The following MAX variants were observed in gnomAD, a reference collection of about 807,000 sequenced individuals.
The protein encoded by MAX is MYC associated transcriptional regulator X.
MAX carries 3 observed loss-of-function variants against 22.3 expected under a neutral mutation model. The ratio of observed to expected loss-of-function variants is 0.13; its 90% CI spans 0.06 to 0.35. MAX has a LOEUF of 0.35. Among genes scored for constraint, MAX ranks in the 10% least tolerant of loss-of-function variants. The pLI is 1.00. For missense variants in MAX, 119 were observed against 209.4 expected (o/e 0.57, Z 2.66); for synonymous variants, 72 against 77.7 (o/e 0.93, Z 0.39).
At chr14:65,080,170 G>GCA (rs1478915888) in intron 3 of MAX, among the ~76,000 whole-genome samples, 1 of 152,208 alleles carries the variant, frequency 6.6e-6, no homozygotes, top group African/African-American at 2.4e-5. Context: ...CTGCATGTGT[G>GCA]CATGCAACAC....
At chr14:65,063,248 C>T (rs1033664935) in intron 3 of MAX, among the ~76,000 whole-genome samples, 3 of 152,176 alleles carry the variant, frequency 2.0e-5, no homozygotes, top group Non-Finnish European at 4.4e-5. Flanking sequence ...CAAAGGTTTG[C>T]ACTGCAAGGC....
At chr14:65,037,748 ATTTAT>A (rs1566562870) in intron 3 of MAX, among the ~76,000 whole-genome samples, 5,919 of 74,730 alleles carry the variant, frequency 0.079, 141 homozygotes, top group Middle Eastern at 0.17. Flanking sequence ...TTTATTATTT[ATTTAT>A]TTATTTATTT....
At chr14:65,055,504 ATTTT>A (rs900695593) in intron 3 of MAX, among the ~76,000 whole-genome samples, 1 of 151,334 alleles carries the variant, frequency 6.6e-6, no homozygotes, top group Non-Finnish European at 1.5e-5. Flanking sequence ...GTTTAAAAAA[ATTTT>A]TTTTTTAATT....
intron 2 of MAX, among the ~76,000 whole-genome samples, chr14:65,098,712 GT>G (rs1255869491): frequency 6.6e-6 from 1 of 152,202 alleles, no homozygotes; most frequent in Non-Finnish European, 1.5e-5. Flanking sequence ...ACTGAATTTA[GT>G]AGTAAGAATA....
intron 3 of MAX, among the ~76,000 whole-genome samples, chr14:65,017,301 TA>T (rs1266876772): frequency 1.3e-5 from 2 of 152,190 alleles, no homozygotes. Flanking sequence ...ACAATCAGGA[TA>T]TTTGGAAAGT....
chr14:65,070,241 A>C (rs1595120834), downstream of MAX, among the ~76,000 whole-genome samples: 1 of 152,302 alleles, frequency 6.6e-6, no homozygotes, highest in Non-Finnish European at 1.5e-5. The surrounding 1 kb of genome is among the most constrained non-coding windows in gnomAD (Gnocchi z 4.4). Context: ...ACAGGCTGTC[A>C]GGCTTGTTTT....
chr14:65,076,523 G>A lies in MAX; in HGVS notation c.436C>T (p.Pro146Ser), dbSNP rs2063059715. ...TTCTTCCTGCTTTGGGGCTCTTCAG[G>A]CTCAGACTCCGAGCTGGAGTCCGAG... The part of the protein sequence containing the change: ...GGSDSSSESE[P>S]EEPQSRKKLR... Residue 146 changes from proline to serine, a missense_variant, in exon 5 of 5, where the codon CCT (proline) becomes TCT (serine). Transcript: ENST00000358664. This position sits in a 1 kb window ranked among gnomAD's most constrained non-coding sequence, Gnocchi z 6.6. 1.9e-6 allele frequency: 3 copies of A among 1,613,880 alleles called. No individual in the cohort carries two copies. The highest frequency in any genetic ancestry group is 4.5e-5 in the East Asian group (2 of 44,882).
At chr14:65,020,215 C>T (rs1380931207) in intron 3 of MAX, among the ~76,000 whole-genome samples, 3 of 152,232 alleles carry the variant, frequency 2.0e-5, no homozygotes, top group African/African-American at 7.2e-5. Context: ...CCAAAGCCAG[C>T]AAGGCGAGGT....
chr14:65,026,022 A>G (rs772517147), intron 3 of MAX, among the ~76,000 whole-genome samples: 1 of 152,212 alleles, frequency 6.6e-6, no homozygotes, highest in Non-Finnish European at 1.5e-5. Context: ...AAAGCAATTA[A>G]ATGTGATGTT....
rs570283513 is a variant in MAX at position 65,033,788 on chromosome 14, C to T, written c.172-27504G>A. Among the ~76,000 whole-genome samples the T allele has an allele frequency of 2.1e-4, 32 of 152,174 alleles. 1 individual carries two copies. In the South Asian group the frequency reaches 4.8e-3, roughly 23 times the overall value. ...AGGAGAATGGAGTGAACCCAGGAGG[C>T]GGAGCTTGCAGTGAGCCGAGATCAC... On this transcript the variant is annotated intron_variant, in intron 3 of 3. Coordinates refer to the MAX transcript ENST00000341653.
chr14:65,102,375 G>T lies in MAX; in HGVS notation c.-36C>A. 1 of 1,610,986 alleles carries T rather than the reference G, an allele frequency of 6.2e-7. No individual in the cohort carries two copies. Among genetic ancestry groups the T allele is most frequent in the Non-Finnish European group, 8.5e-7 (1 of 1,178,722 alleles). ...CCAGGGAGCGGCCACTGCAGCGGCGGCGGGGAGGGGAAGGGGTGAAGGGGA... is the reference window on the plus strand; with the variant it reads ...CCAGGGAGCGGCCACTGCAGCGGCGTCGGGGAGGGGAAGGGGTGAAGGGGA... On this transcript the variant is annotated 5_prime_UTR_variant, in exon 1 of 5. Coordinates refer to ENST00000358664, the MANE Select transcript of MAX (RefSeq NM_002382.5).
At chr14:65,066,985 G>A (rs1232029293) in intron 3 of MAX, among the ~76,000 whole-genome samples, 3 of 150,078 alleles carry the variant, frequency 2.0e-5, no homozygotes, top group Non-Finnish European at 4.4e-5. Context: ...AGACCAGCCT[G>A]AGCGACATAG....
chr14:65,070,584 C>T (rs566664126), downstream of MAX, among the ~76,000 whole-genome samples: 21 of 152,320 alleles, frequency 1.4e-4, no homozygotes, highest in African/African-American at 4.3e-4. This position sits in a 1 kb window ranked among gnomAD's most constrained non-coding sequence, Gnocchi z 4.4. Context: ...GCCACCTGCT[C>T]GGCATTCTTC....
At chr14:65,022,258 T>C in intron 3 of MAX, 1 of 327,614 alleles carries the variant, frequency 3.1e-6, no homozygotes. Context: ...ACTGTTCCTA[T>C]TTCCAAAGCT....
intron 3 of MAX, among the ~76,000 whole-genome samples, chr14:65,046,219 G>C (rs1024279431): frequency 3.3e-5 from 5 of 152,208 alleles, no homozygotes; most frequent in African/African-American, 1.2e-4. Context: ...CAGGTGATCT[G>C]TCCGCCTTGG....
At chr14:65,055,164 T>C (rs1361012507) in intron 3 of MAX, among the ~76,000 whole-genome samples, 1 of 152,008 alleles carries the variant, frequency 6.6e-6, no homozygotes, top group Non-Finnish European at 1.5e-5. Flanking sequence ...TTCTTTGTAG[T>C]ACTTTACTCA....
chr14:65,084,251 T>A lies in MAX; in HGVS notation c.172-6215A>T, dbSNP rs965199348. 2.4e-5 allele frequency: 39 copies of A among 1,613,806 alleles called. No individual in the cohort carries two copies. Among genetic ancestry groups the A allele is most frequent in the Middle Eastern group, 1.6e-4 (1 of 6,082 alleles). On this transcript the variant is annotated intron_variant, in intron 3 of 4. Transcript: ENST00000358664. The surrounding 1 kb of genome is among the most constrained non-coding windows in gnomAD (Gnocchi z 4.3). Reference sequence around the variant, plus strand: ...AAGGTGTGGCATTTCTGCATCAAACTTTGACGATGAAGGACAGGAGTACAC... The same window carrying A: ...AAGGTGTGGCATTTCTGCATCAAACATTGACGATGAAGGACAGGAGTACAC...
intron 3 of MAX, chr14:65,006,381 A>G (rs1595002332): frequency 2.6e-6 from 4 of 1,525,190 alleles, no homozygotes; most frequent in Non-Finnish European, 3.5e-6. Context: ...CTCTGACCTC[A>G]ATAAAATGAA....
intron 3 of MAX, among the ~76,000 whole-genome samples, chr14:65,053,625 T>TAAAAAAAAACAAAAAA (rs201558638): frequency 1.6e-4 from 23 of 146,300 alleles, no homozygotes; most frequent in African/African-American, 4.9e-4. Flanking sequence ...CTTCTTTTTT[T>TAAAAAAAAACAAAAAA]TAAAAAAAAC....
Sources: allele counts gnomAD v4.1 joint callset (sites outside exome capture counted in the v4.1 genomes callset), GRCh38; gene constraint gnomAD v4.1.1; non-coding constraint Gnocchi (gnomAD v3.1); transcripts MANE v1.5; gene names NCBI Gene and HGNC (gene_info 2026-07-23, HGNC 2026-07-21).